CLIP1: variants seen among roughly 807,000 people sequenced by gnomAD.
CLIP1 encodes the protein CAP-Gly domain-containing linker protein 1.
CLIP1 carries 66 observed loss-of-function variants against 161.6 expected under a neutral mutation model. That is an observed-to-expected ratio of 0.41 (90% CI 0.33 to 0.50). CLIP1 has a LOEUF of 0.50. Ranked by LOEUF, CLIP1 falls within the 20% of genes least tolerant of loss-of-function variation. The pLI is 0.27. For missense variants in CLIP1, 1,376 were observed against 1,702.0 expected, an observed-to-expected ratio of 0.81 and a Z score of 3.37; for synonymous variants, 598 against 626.2, an observed-to-expected ratio of 0.96 and a Z score of 0.67.
intron 3 of CLIP1, among the ~76,000 whole-genome samples, chr12:122,374,166 T>A (rs1954596291): frequency 6.6e-6 from 1 of 151,784 alleles, no homozygotes; most frequent in Non-Finnish European, 1.5e-5. Context: ...TGAAACCCTG[T>A]CTCTATTAAA....
At chr12:122,378,056 T>G in intron 2 of CLIP1, 96 bp from the exon 3 acceptor site, 7 of 1,067,838 alleles carry the variant, frequency 6.6e-6, no homozygotes, top group Non-Finnish European at 8.2e-6. Flanking sequence ...CCCACAGGAG[T>G]AGCCCAGAAC....
Position 122,351,100 on chromosome 12 carries a change from T to G in CLIP1, c.1401+11A>C. 6.5e-7 allele frequency: 1 copy of G among 1,542,212 alleles called. No homozygotes were observed. Among genetic ancestry groups the G allele is most frequent in the Non-Finnish European group, 8.7e-7 (1 of 1,148,060 alleles). ...CAAGGGAAATATCCACACAGTTAAG[T>G]GCCCTCTTACATTCTCAGGATCTTC... On this transcript the variant is annotated intron_variant, in intron 9 of 25. Coordinates refer to ENST00000620786, the MANE Select transcript of CLIP1 (RefSeq NM_001247997.2).
chr12:122,380,972 T>C (rs1223674479), intron 1 of CLIP1, among the ~76,000 whole-genome samples: 1 of 152,072 alleles, frequency 6.6e-6, no homozygotes, highest in Non-Finnish European at 1.5e-5. Context: ...GAGGCTGCAG[T>C]GAGCCATGAT....
rs937718944 is a variant in CLIP1 at position 122,311,490 on chromosome 12, A to T, written c.3474-1608T>A. On this transcript the variant is annotated intron_variant, in intron 19 of 25. Coordinates refer to ENST00000620786, the MANE Select transcript of CLIP1 (RefSeq NM_001247997.2). This position sits in a 1 kb window ranked among gnomAD's most constrained non-coding sequence, Gnocchi z 4.3. Reference sequence around the variant, plus strand: ...CCCAGGCTGGAGTGCAGTGGCACGAACTCGGCTCACTGCAAGCTCCACCTC... The same window carrying T: ...CCCAGGCTGGAGTGCAGTGGCACGATCTCGGCTCACTGCAAGCTCCACCTC... Among the ~76,000 whole-genome samples the T allele has an allele frequency of 2.5e-4, 38 of 151,788 alleles. No homozygotes were observed. The highest frequency in any genetic ancestry group is 3.4e-3 in the Middle Eastern group (1 of 294).
At chr12:122,417,242 G>A (rs1326564610) in intron 1 of CLIP1, among the ~76,000 whole-genome samples, 1 of 152,086 alleles carries the variant, frequency 6.6e-6, no homozygotes, top group Non-Finnish European at 1.5e-5. Flanking sequence ...GTTGCAGTGA[G>A]CTGGGATTGC....
intron 3 of CLIP1, among the ~76,000 whole-genome samples, chr12:122,374,667 CAGG>C (rs1300506905): frequency 6.6e-6 from 1 of 152,038 alleles, no homozygotes. Flanking sequence ...GAGGCTGAGG[CAGG>C]AGAACTGCTT....
intron 19 of CLIP1, among the ~76,000 whole-genome samples, chr12:122,313,085 C>T (rs1018567566): frequency 1.3e-5 from 2 of 152,224 alleles, no homozygotes; most frequent in African/African-American, 4.8e-5. Context: ...ACTCCCCATA[C>T]CTCCTGTGCC....
chr12:122,420,651 T>C (rs946062759), intron 1 of CLIP1, among the ~76,000 whole-genome samples: 1 of 152,074 alleles, frequency 6.6e-6, no homozygotes, highest in Non-Finnish European at 1.5e-5. Flanking sequence ...AGACCAGCCT[T>C]GGGGCCAGGT....
chr12:122,299,024 T>C (rs918747672), intron 20 of CLIP1, among the ~76,000 whole-genome samples: 1 of 152,194 alleles, frequency 6.6e-6, no homozygotes, highest in African/African-American at 2.4e-5. Context: ...CTGAAGCCAA[T>C]ACATACAAGT....
At chr12:122,330,301 G>A (rs1343279445) in intron 15 of CLIP1, among the ~76,000 whole-genome samples, 1 of 152,072 alleles carries the variant, frequency 6.6e-6, no homozygotes, top group Non-Finnish European at 1.5e-5. Context: ...AGCACCTCAA[G>A]GCAAGTTTGA....
At chr12:122,417,387 G>C (rs1246111686) in intron 1 of CLIP1, among the ~76,000 whole-genome samples, 1 of 151,872 alleles carries the variant, frequency 6.6e-6, no homozygotes, top group Non-Finnish European at 1.5e-5. Flanking sequence ...GACGGCTTGA[G>C]TCCAGGAGTC....
At chr12:122,276,714 G>A (rs1955443680) in intron 24 of CLIP1, 1 of 263,218 alleles carries the variant, frequency 3.8e-6, no homozygotes, top group African/African-American at 2.2e-5. Flanking sequence ...TACATACAAA[G>A]TATATTAAAA....
intron 15 of CLIP1, among the ~76,000 whole-genome samples, chr12:122,332,038 G>A (rs183595327): frequency 1.4e-4 from 21 of 151,542 alleles, no homozygotes; most frequent in African/African-American, 5.1e-4. Flanking sequence ...GGGCACGGTG[G>A]CTCATGCCTG....
At chr12:122,390,580 G>A (rs1418366332) in intron 1 of CLIP1, among the ~76,000 whole-genome samples, 6 of 151,566 alleles carry the variant, frequency 4.0e-5, no homozygotes, top group Non-Finnish European at 8.8e-5. Context: ...CCAAAGTGTT[G>A]GGATTACAGG....
chr12:122,378,319 T>A (rs1170905946), intron 2 of CLIP1, among the ~76,000 whole-genome samples: 2 of 152,140 alleles, frequency 1.3e-5, no homozygotes, highest in Admixed American at 6.5e-5. Context: ...ACTCCTGACC[T>A]CAGGTGAACC....
intron 1 of CLIP1, among the ~76,000 whole-genome samples, chr12:122,405,698 G>C (rs1016380262): frequency 6.6e-6 from 1 of 151,406 alleles, no homozygotes; most frequent in African/African-American, 2.4e-5. Context: ...TGAGACAAGA[G>C]AATCACTTGA....
intron 15 of CLIP1, among the ~76,000 whole-genome samples, chr12:122,330,010 A>C (rs1479052087): frequency 6.6e-6 from 1 of 152,028 alleles, no homozygotes; most frequent in East Asian, 1.9e-4. Context: ...CCAGCTACTC[A>C]GGAGGCTGAG....
chr12:122,414,763 C>T (rs1956667499), intron 1 of CLIP1, among the ~76,000 whole-genome samples: 1 of 152,138 alleles, frequency 6.6e-6, no homozygotes. Context: ...CCACGCCCAG[C>T]CCAAAATTCT....
chr12:122,363,919 G>T, intron 4 of CLIP1, 64 bp downstream of exon 4: 1 of 1,607,800 alleles, frequency 6.2e-7, no homozygotes, highest in South Asian at 1.1e-5. Flanking sequence ...CACGCTTGGT[G>T]AGACTGGCCT....
Sources: allele counts gnomAD v4.1 joint callset (sites outside exome capture counted in the v4.1 genomes callset), GRCh38; gene constraint gnomAD v4.1.1; non-coding constraint Gnocchi (gnomAD v3.1); transcripts MANE v1.5; gene names NCBI Gene and HGNC (gene_info 2026-07-23, HGNC 2026-07-21).